Variants in FBXL20 observed in about 807,000 individuals in gnomAD.
FBXL20 encodes F-box and leucine rich repeat protein 20, also known as F-box/LRR-repeat protein 20.
A neutral mutation model predicts 64.0 loss-of-function variants in FBXL20; 11 were observed. The ratio of observed to expected loss-of-function variants is 0.17; its 90% CI spans 0.11 to 0.28. The LOEUF is 0.28. Ranked by LOEUF, FBXL20 falls within the 10% of genes least tolerant of loss-of-function variation. FBXL20 has a pLI of 1.00. For synonymous variants in FBXL20, 184 were observed against 189.0 expected (o/e 0.97, Z 0.22); for missense variants, 303 against 526.2 (o/e 0.58, Z 4.15).
intron 2 of FBXL20, among the ~76,000 whole-genome samples, chr17:39,315,868 A>AGAGAGAGC (rs368094288): frequency 1.3e-3 from 187 of 144,584 alleles, no homozygotes; most frequent in Middle Eastern, 6.9e-3. Context: ...AGAGAGAGAG[A>AGAGAGAGC]GAGCAACTGT....
intron 9 of FBXL20, among the ~76,000 whole-genome samples, chr17:39,277,683 G>A (rs2046910618): frequency 6.7e-6 from 1 of 149,364 alleles, no homozygotes; most frequent in Admixed American, 6.7e-5. Context: ...GAACCCAGGA[G>A]GCAGAGGTTG....
Position 39,301,436 on chromosome 17 carries a change from T to G in FBXL20, c.160-361A>C, listed in dbSNP as rs1348250460. On this transcript the variant is annotated intron_variant, in intron 3 of 14. Coordinates refer to ENST00000264658, the MANE Select transcript of FBXL20 (RefSeq NM_032875.3). The stretch of plus-strand genomic sequence containing the variant: ...CCAGACCCGATCCCTATAAAAAAAT[T>G]TAAAAACTTGGTCGGGCATGGTGGC... 2.0e-5 allele frequency among the ~76,000 whole-genome samples: 3 copies of G among 151,814 alleles called. No individual in the cohort carries two copies. In the East Asian group the frequency reaches 5.8e-4, roughly 29 times the overall value.
chr17:39,289,672 C>T (rs2047019769), intron 6 of FBXL20, among the ~76,000 whole-genome samples: 1 of 150,890 alleles, frequency 6.6e-6, no homozygotes, highest in African/African-American at 2.4e-5. Flanking sequence ...AAAAAAAACC[C>T]AAACTATAAC....
chr17:39,330,276 A>G (rs2047447962), intron 2 of FBXL20, among the ~76,000 whole-genome samples: 1 of 151,052 alleles, frequency 6.6e-6, no homozygotes, highest in African/African-American at 2.4e-5. Flanking sequence ...CAGCCTGGGC[A>G]ACAGAGCAAG....
chr17:39,319,579 G>GGAGGCT (rs1429317501), intron 2 of FBXL20, among the ~76,000 whole-genome samples: 1 of 150,962 alleles, frequency 6.6e-6, no homozygotes, highest in Non-Finnish European at 1.5e-5. Flanking sequence ...CAACTAGTCA[G>GGAGGCT]GAGGCTGAGG....
At chr17:39,320,285 A>T (rs980554206) in intron 2 of FBXL20, among the ~76,000 whole-genome samples, 15 of 152,298 alleles carry the variant, frequency 9.8e-5, no homozygotes, top group East Asian at 3.9e-4. Flanking sequence ...AAAAATAATT[A>T]AAAAAATATG....
At position 39,380,386 on chromosome 17, in the gene FBXL20, T is replaced by C. The variant is rs192137595; in HGVS notation, c.42+20975A>G. ...CTCATCCCTACCACTGTTCCCCAAC[T>C]TCACTATGATCTGACTACAGTAACC... On this transcript the variant is annotated intron_variant, in intron 1 of 14. Transcript: ENST00000264658. Among the ~76,000 whole-genome samples the C allele has an allele frequency of 1.3e-4, 20 of 152,328 alleles. No homozygotes were observed. The East Asian group carries it at 3.5e-3, about 26-fold the overall frequency.
At chr17:39,297,218 G>C (rs1301262255) in intron 5 of FBXL20, 23 bp from the exon 6 acceptor site, 1 of 1,556,592 alleles carries the variant, frequency 6.4e-7, no homozygotes, top group Admixed American at 1.7e-5. Flanking sequence ...GAAAGTAAGA[G>C]GTTTCAAATG....
intron 1 of FBXL20, among the ~76,000 whole-genome samples, chr17:39,394,881 C>T (rs1038094379): frequency 3.3e-5 from 5 of 151,970 alleles, no homozygotes; most frequent in African/African-American, 7.2e-5. Context: ...CGGCCAGATA[C>T]GGAAATTTTT....
intron 1 of FBXL20, among the ~76,000 whole-genome samples, chr17:39,367,759 T>TTATA (rs754930078): frequency 6.6e-6 from 1 of 150,672 alleles, no homozygotes; most frequent in African/African-American, 2.4e-5. Context: ...GAAAGATTAT[T>TTATA]TATATATATA....
At chr17:39,378,159 G>C (rs928662925) in intron 1 of FBXL20, among the ~76,000 whole-genome samples, 2 of 152,192 alleles carry the variant, frequency 1.3e-5, no homozygotes, top group Non-Finnish European at 2.9e-5. Flanking sequence ...GGAATTGAAT[G>C]TGATTTCCAG....
chr17:39,281,266 T>C (rs1025255661), intron 9 of FBXL20, 123 bp downstream of exon 9: 1 of 806,318 alleles, frequency 1.2e-6, no homozygotes, highest in African/African-American at 1.7e-5. Context: ...GTGTTTACTT[T>C]GTCACTAGGG....
chr17:39,286,161 A>G (rs2046986546), intron 6 of FBXL20, among the ~76,000 whole-genome samples: 1 of 152,204 alleles, frequency 6.6e-6, no homozygotes, highest in Non-Finnish European at 1.5e-5. Flanking sequence ...AAATATAAAC[A>G]AGAGTAAATA....
chr17:39,380,824 G>A (rs2048014960), intron 1 of FBXL20, among the ~76,000 whole-genome samples: 1 of 152,096 alleles, frequency 6.6e-6, no homozygotes, highest in East Asian at 1.9e-4. Context: ...AATTTAACAG[G>A]AAAGAGAAAA....
chr17:39,345,244 GAAGAA>G (rs781552356), intron 1 of FBXL20, among the ~76,000 whole-genome samples: 65 of 152,114 alleles, frequency 4.3e-4, no homozygotes, highest in Non-Finnish European at 5.0e-4. Context: ...GCACTACAAT[GAAGAA>G]AACAGAAGAA....
chr17:39,263,500 G>GGA (rs1050146805), intron 14 of FBXL20, among the ~76,000 whole-genome samples: 6 of 152,084 alleles, frequency 3.9e-5, no homozygotes, highest in African/African-American at 1.4e-4. Flanking sequence ...GGGTGACAGA[G>GGA]GAGACCCTGT....
chr17:39,265,307 A>G, intron 13 of FBXL20, 90 bp downstream of exon 13: 1 of 963,620 alleles, frequency 1.0e-6, no homozygotes, highest in South Asian at 1.6e-5. Flanking sequence ...CTAAAATGGT[A>G]GCCAGACACT....
intron 2 of FBXL20, among the ~76,000 whole-genome samples, chr17:39,305,554 A>G (rs1030048683): frequency 6.6e-6 from 1 of 152,154 alleles, no homozygotes; most frequent in Non-Finnish European, 1.5e-5. Context: ...AAAGAAAAGA[A>G]AAAACATAGC....
At chr17:39,363,178 T>A (rs2047816481) in intron 1 of FBXL20, among the ~76,000 whole-genome samples, 2 of 151,450 alleles carry the variant, frequency 1.3e-5, no homozygotes, top group African/African-American at 4.9e-5. Flanking sequence ...ACCCAGCTAA[T>A]TTTTTTTGTA....
Sources: allele counts gnomAD v4.1 joint callset (sites outside exome capture counted in the v4.1 genomes callset), GRCh38; gene constraint gnomAD v4.1.1; transcripts MANE v1.5; gene names NCBI Gene and HGNC (gene_info 2026-07-23, HGNC 2026-07-21).